The following ITPR1 variants were observed in gnomAD, a reference collection of about 807,000 sequenced individuals.
The protein encoded by ITPR1 is inositol 1,4,5-trisphosphate receptor type 1.
ITPR1 carries 96 observed loss-of-function variants against 318.4 expected under a neutral mutation model. The ratio of observed to expected loss-of-function variants is 0.30; its 90% CI spans 0.26 to 0.36. The LOEUF is 0.36. ITPR1 is among the 10% of genes least tolerant of loss of function. The pLI is 1.00. For missense variants in ITPR1, 2,440 were observed against 3,460.2 expected (o/e 0.71, Z 7.40); for synonymous variants, 1,312 against 1,289.9 (o/e 1.02, Z -0.37).
intron 55 of ITPR1, among the ~76,000 whole-genome samples, chr3:4,809,279 A>T (rs2048784556): frequency 6.6e-6 from 1 of 152,230 alleles, no homozygotes. Flanking sequence ...CTAGACGAGC[A>T]CGTATGGAGG....
chr3:4,777,461 C>A, intron 48 of ITPR1, 87 bp downstream of exon 48: 1 of 760,636 alleles, frequency 1.3e-6, no homozygotes, highest in South Asian at 1.5e-5. Context: ...GGCAATTAGT[C>A]ATGAGAGTAA....
rs2051845507 is a variant in ITPR1, at chr3:4,847,187, T to G, written c.*962T>G. The G allele has an allele frequency of 2.0e-5, 3 of 152,746 alleles. No individual in the cohort carries two copies. The highest frequency in any genetic ancestry group is 1.3e-4 in the Admixed American group (2 of 15,300). The allele number at this position is 152,746 out of a possible 1,614,324, so 9.5% of individuals were successfully genotyped here. On this transcript the variant is annotated 3_prime_UTR_variant, in exon 62 of 62. Transcript: ENST00000649015. The stretch of plus-strand genomic sequence containing the variant: ...CAGTAGCTAAGAAGTATTAAAACTA[T>G]ATACATCCATATAAAGATGAAATAT...
At chr3:4,783,752 G>A in intron 50 of ITPR1, 64 bp from the exon 51 acceptor site, 1 of 1,231,630 alleles carries the variant, frequency 8.1e-7, no homozygotes, top group Non-Finnish European at 1.2e-6. Flanking sequence ...ACATGAGAAA[G>A]GAGTTTCTGT....
At chr3:4,725,637 A>G (rs1255106189) in intron 41 of ITPR1, 56 bp downstream of exon 41, 64 of 1,461,004 alleles carry the variant, frequency 4.4e-5, no homozygotes, top group Non-Finnish European at 5.9e-5. Flanking sequence ...GATGCCTCTC[A>G]GTTGTCCTGG....
At chr3:4,769,591 T>C (rs1191064107) in intron 46 of ITPR1, among the ~76,000 whole-genome samples, 1 of 152,248 alleles carries the variant, frequency 6.6e-6, no homozygotes, top group Non-Finnish European at 1.5e-5. Context: ...CATTTTGTTG[T>C]TTTTGTCTGA....
chr3:4,635,537 G>A (rs1027894197), intron 5 of ITPR1, among the ~76,000 whole-genome samples: 5 of 151,854 alleles, frequency 3.3e-5, no homozygotes, highest in Non-Finnish European at 7.4e-5. Context: ...AGTAGAGACG[G>A]GGTTTCCCTG....
chr3:4,661,745 T>A (rs1234683004), intron 14 of ITPR1, among the ~76,000 whole-genome samples: 3 of 152,226 alleles, frequency 2.0e-5, no homozygotes, highest in Non-Finnish European at 4.4e-5. Flanking sequence ...TCACTTAGAA[T>A]CATTAATTAC....
chr3:4,532,029 C>CTG (rs545233398), intron 4 of ITPR1, among the ~76,000 whole-genome samples: 6 of 152,232 alleles, frequency 3.9e-5, no homozygotes, highest in Non-Finnish European at 8.8e-5. Context: ...ATGAGTTAAT[C>CTG]TGTGTAAAGC....
chr3:4,647,571 G>C (rs1451133003), intron 10 of ITPR1, among the ~76,000 whole-genome samples: 1 of 152,200 alleles, frequency 6.6e-6, no homozygotes, highest in Non-Finnish European at 1.5e-5. Flanking sequence ...TAATGTGTGA[G>C]AGTTCTAGTT....
intron 61 of ITPR1, among the ~76,000 whole-genome samples, chr3:4,843,678 T>C (rs1328744041): frequency 6.6e-6 from 1 of 152,178 alleles, no homozygotes; most frequent in Non-Finnish European, 1.5e-5. Flanking sequence ...TATGACTACC[T>C]GAGCAAAGAA....
chr3:4,547,305 T>C (rs1005895565), intron 4 of ITPR1, among the ~76,000 whole-genome samples: 2 of 152,242 alleles, frequency 1.3e-5, no homozygotes, highest in African/African-American at 2.4e-5. Flanking sequence ...ATAAATAACA[T>C]ATGTATTTAT....
intron 4 of ITPR1, among the ~76,000 whole-genome samples, chr3:4,582,700 C>G (rs895502197): frequency 6.6e-6 from 1 of 152,226 alleles, no homozygotes; most frequent in African/African-American, 2.4e-5. Context: ...GTATACATCT[C>G]TTTATGGCTG....
chr3:4,804,829 C>G (rs1343910290), intron 54 of ITPR1, among the ~76,000 whole-genome samples: 1 of 152,168 alleles, frequency 6.6e-6, no homozygotes, highest in Non-Finnish European at 1.5e-5. Context: ...TCGGCTTCCT[C>G]GCTTATCTGA....
At chr3:4,838,879 G>A (rs568731631) in intron 61 of ITPR1, among the ~76,000 whole-genome samples, 4 of 152,036 alleles carry the variant, frequency 2.6e-5, no homozygotes, top group Non-Finnish European at 5.9e-5. Context: ...GTAAAACCAG[G>A]CAACGCCTCC....
intron 6 of ITPR1, among the ~76,000 whole-genome samples, chr3:4,639,735 A>G (rs139981958): frequency 2.9e-4 from 44 of 152,270 alleles, no homozygotes; most frequent in African/African-American, 1.1e-3. Flanking sequence ...GAAGCTTCCT[A>G]CTTGAAAAGG....
chr3:4,603,577 G>A (rs1029841540), intron 4 of ITPR1, among the ~76,000 whole-genome samples: 7 of 152,006 alleles, frequency 4.6e-5, no homozygotes, highest in East Asian at 1.9e-4. Context: ...CTACAGGGGC[G>A]CGCCACCACA....
intron 4 of ITPR1, among the ~76,000 whole-genome samples, chr3:4,620,219 A>G (rs1389270833): frequency 3.9e-5 from 6 of 152,128 alleles, no homozygotes; most frequent in Admixed American, 3.9e-4. Flanking sequence ...GTGGATTTTT[A>G]CTTAGTCACT....
chr3:4,706,439 C>G, intron 37 of ITPR1, 88 bp downstream of exon 37: 5 of 1,195,152 alleles, frequency 4.2e-6, no homozygotes, highest in Non-Finnish European at 5.8e-6. Context: ...CACAGAGCAT[C>G]TAAGCTGGGC....
At chr3:4,716,535 C>A (rs1281236768) in intron 39 of ITPR1, among the ~76,000 whole-genome samples, 1 of 152,132 alleles carries the variant, frequency 6.6e-6, no homozygotes, top group Non-Finnish European at 1.5e-5. Flanking sequence ...CAGGTAATGC[C>A]TGGGTTTTCA....
Sources: allele counts gnomAD v4.1 joint callset (sites outside exome capture counted in the v4.1 genomes callset), GRCh38; gene constraint gnomAD v4.1.1; transcripts MANE v1.5; gene names NCBI Gene and HGNC (gene_info 2026-07-23, HGNC 2026-07-21).